ATP9A: variants seen among roughly 807,000 people sequenced by gnomAD.
ATP9A encodes probable phospholipid-transporting ATPase IIA.
Under a neutral mutation model 144.1 loss-of-function variants are expected in ATP9A, and 52 were observed. The ratio of observed to expected loss-of-function variants is 0.36; its 90% CI spans 0.29 to 0.45. The LOEUF (loss-of-function observed/expected upper bound fraction) is 0.45, where lower values mean the gene tolerates loss of function less well. ATP9A is among the 20% of genes least tolerant of loss of function. The pLI is 1.00. For missense variants in ATP9A, 947 were observed against 1,392.7 expected (o/e 0.68, Z 5.09); for synonymous variants, 582 against 557.4 (o/e 1.04, Z -0.62).
At chr20:51,684,250 T>A (rs1181922486) in intron 9 of ATP9A, among the ~76,000 whole-genome samples, 1 of 152,060 alleles carries the variant, frequency 6.6e-6, no homozygotes, top group Admixed American at 6.6e-5. Flanking sequence ...AAAAAACAAA[T>A]GAGACCAAGT....
At chr20:51,755,941 C>T (rs2077853900) in intron 1 of ATP9A, among the ~76,000 whole-genome samples, 1 of 149,584 alleles carries the variant, frequency 6.7e-6, no homozygotes, top group South Asian at 2.2e-4. Flanking sequence ...GGCGACAGAG[C>T]GAGACTCCAT....
At chr20:51,639,633 C>A in intron 14 of ATP9A, 129 bp from the exon 15 acceptor site, 3 of 962,190 alleles carry the variant, frequency 3.1e-6, no homozygotes, top group South Asian at 3.5e-5. Context: ...CCCTTAGGGA[C>A]GCCAAGTGCT....
intron 15 of ATP9A, among the ~76,000 whole-genome samples, chr20:51,632,902 C>T (rs1463581127): frequency 6.6e-6 from 1 of 152,076 alleles, no homozygotes; most frequent in Non-Finnish European, 1.5e-5. Flanking sequence ...GCTGGTGGAT[C>T]ACCTGAGGTC....
At chr20:51,725,057 G>T (rs62226699) in intron 3 of ATP9A, among the ~76,000 whole-genome samples, 2 of 152,018 alleles carry the variant, frequency 1.3e-5, no homozygotes, top group Non-Finnish European at 2.9e-5. Context: ...TGAGCATTTC[G>T]TTTGAGTCCC....
intron 1 of ATP9A, among the ~76,000 whole-genome samples, chr20:51,739,976 AC>A (rs1429437727): frequency 2.0e-5 from 3 of 151,996 alleles, no homozygotes; most frequent in African/African-American, 7.3e-5. Flanking sequence ...AGATTCACCC[AC>A]CCCTGGACTT....
chr20:51,654,467 A>T (rs1398245322), intron 14 of ATP9A, among the ~76,000 whole-genome samples: 2 of 152,142 alleles, frequency 1.3e-5, no homozygotes, highest in Non-Finnish European at 2.9e-5. Flanking sequence ...TGGGTTAAAA[A>T]AAAAATTGGG....
intron 9 of ATP9A, among the ~76,000 whole-genome samples, chr20:51,679,126 C>T (rs1369427450): frequency 1.3e-5 from 2 of 151,790 alleles, no homozygotes; most frequent in East Asian, 3.9e-4. Context: ...GAGTTTGAGA[C>T]CAGCCTGGCC....
chr20:51,740,002 A>T (rs1313185998), intron 1 of ATP9A, among the ~76,000 whole-genome samples: 1 of 152,164 alleles, frequency 6.6e-6, no homozygotes, highest in Non-Finnish European at 1.5e-5. Flanking sequence ...TCTCAGAGTC[A>T]ATAAAATAGC....
Position 51,713,027 on chromosome 20 carries a change from G to A in ATP9A, c.375C>T (p.Ile125=). ...VTVIREAVEE[I]RCYVRDKEVN... is the part of the protein sequence containing the mutation. Reference sequence around the variant, plus strand: ...CTTCCTTGTCCCGCACGTAGCATCGGATCTCCTCCACCGCCTCACGGATGA... The same window carrying A: ...CTTCCTTGTCCCGCACGTAGCATCGAATCTCCTCCACCGCCTCACGGATGA... Residue 125 remains isoleucine (I), a synonymous_variant, in exon 4 of 28, where the codon ATC becomes ATT. Transcript: ENST00000338821. The A allele has an allele frequency of 6.2e-7, 1 of 1,613,342 alleles. No homozygotes were observed. Among genetic ancestry groups the A allele is most frequent in the East Asian group, 2.2e-5 (1 of 44,838 alleles).
chr20:51,610,267 G>C (rs1170089707), intron 23 of ATP9A, 102 bp from the exon 24 acceptor site: 10 of 895,122 alleles, frequency 1.1e-5, no homozygotes, highest in Non-Finnish European at 1.8e-5. Context: ...ACCCGCGCCG[G>C]CACTGCTGTA....
chr20:51,736,686 C>T (rs1331711313), intron 1 of ATP9A, among the ~76,000 whole-genome samples: 2 of 152,006 alleles, frequency 1.3e-5, no homozygotes, highest in East Asian at 3.9e-4. Context: ...CACAACTCTA[C>T]AAATACACTA....
rs761570089 is a variant in ATP9A, at chr20:51,725,905, A to G, written c.241T>C (p.Phe81Leu). ...GVLFNQFKYF[F>L]NLYFLLLACS... ...GCAAGAAGTAAGAAATAGAGGTTGA[A>G]AAAGTATTTGAACTGGTTGAACAGC... Residue 81 changes from phenylalanine to leucine, a missense_variant, in exon 3 of 28, where the codon TTC (phenylalanine) becomes CTC (leucine). This residue lies in a region of ATP9A where 770 missense variants were observed against 1,047.9 expected (regional missense o/e 0.73). Coordinates refer to ENST00000338821, the MANE Select transcript of ATP9A (RefSeq NM_006045.3). 4.3e-6 allele frequency: 7 copies of G among 1,613,432 alleles called. No individual in the cohort carries two copies. The highest frequency in any genetic ancestry group is 5.9e-6 in the Non-Finnish European group (7 of 1,179,312).
chr20:51,695,735 T>C (rs2077568028), intron 6 of ATP9A, among the ~76,000 whole-genome samples: 1 of 152,200 alleles, frequency 6.6e-6, no homozygotes, highest in Non-Finnish European at 1.5e-5. Context: ...TGGTATCAGC[T>C]TAGAAGAGAA....
intron 4 of ATP9A, among the ~76,000 whole-genome samples, chr20:51,702,979 G>A (rs762426809): frequency 5.3e-5 from 6 of 113,438 alleles, no homozygotes; most frequent in Non-Finnish European, 9.7e-5. Context: ...CTTCCCAAGC[G>A]CTCCTTGGTT....
intron 19 of ATP9A, 82 bp from the exon 20 acceptor site, chr20:51,619,125 A>G: frequency 1.6e-6 from 2 of 1,288,012 alleles, no homozygotes; most frequent in Non-Finnish European, 2.2e-6. Flanking sequence ...AGGAGCCCAC[A>G]TGAAGACAAC....
At chr20:51,722,013 T>G (rs977038601) in intron 3 of ATP9A, among the ~76,000 whole-genome samples, 3 of 151,962 alleles carry the variant, frequency 2.0e-5, no homozygotes, top group Admixed American at 6.6e-5. Flanking sequence ...TGGAACAGAA[T>G]AGAGAACCCA....
At chr20:51,625,499 A>G (rs2077244631) in intron 17 of ATP9A, 137 bp from the exon 18 acceptor site, 1 of 949,238 alleles carries the variant, frequency 1.1e-6, no homozygotes. Context: ...GCTGGACCCC[A>G]CAGGGGTGAC....
intron 14 of ATP9A, among the ~76,000 whole-genome samples, chr20:51,651,309 A>ATATATTATATAATATATATTTATATT (rs1568803544): frequency 1.0e-5 from 1 of 98,422 alleles, no homozygotes; most frequent in East Asian, 3.0e-4. Context: ...ATATTTACAT[A>ATATATTATATAATATATATTTATATT]ATATATTATA....
chr20:51,691,021 T>C (rs889210859), intron 7 of ATP9A, among the ~76,000 whole-genome samples: 1 of 152,160 alleles, frequency 6.6e-6, no homozygotes, highest in African/African-American at 2.4e-5. Flanking sequence ...CAAAGCACCC[T>C]GACAGACTCT....
Sources: allele counts gnomAD v4.1 joint callset (sites outside exome capture counted in the v4.1 genomes callset), GRCh38; gene constraint gnomAD v4.1.1; regional missense constraint gnomAD v4.1.1; transcripts MANE v1.5; gene names NCBI Gene and HGNC (gene_info 2026-07-23, HGNC 2026-07-21).